SPIDR: variants seen among roughly 807,000 people sequenced by gnomAD.
The protein encoded by SPIDR is DNA repair-scaffolding protein.
Under a neutral mutation model 104.6 loss-of-function variants are expected in SPIDR, and 93 were observed. The observed-to-expected ratio is 0.89, with a 90% CI of 0.75 to 1.06. The LOEUF (loss-of-function observed/expected upper bound fraction) is 1.06, where lower values mean the gene tolerates loss of function less well. SPIDR is among the 50% of genes least tolerant of loss of function. The pLI is 0.00. For missense variants in SPIDR, 1,154 were observed against 1,111.2 expected (o/e 1.04, Z -0.55); for synonymous variants, 431 against 416.9 (o/e 1.03, Z -0.41).
intron 10 of SPIDR, chr8:47,673,278 G>C (rs1312932364): frequency 2.8e-6 from 1 of 354,024 alleles, no homozygotes; most frequent in Non-Finnish European, 5.7e-6. Flanking sequence ...GGGACACCAG[G>C]TTTTATCCTG....
At chr8:47,733,714 G>A (rs757347193) in intron 19 of SPIDR, among the ~76,000 whole-genome samples, 13 of 151,936 alleles carry the variant, frequency 8.6e-5, no homozygotes, top group Admixed American at 2.6e-4. Context: ...CTTCAGTGAC[G>A]GGCCCACATG....
At chr8:47,315,214 G>C (rs1758816601) in intron 5 of SPIDR, among the ~76,000 whole-genome samples, 1 of 152,042 alleles carries the variant, frequency 6.6e-6, no homozygotes, top group Non-Finnish European at 1.5e-5. Flanking sequence ...CAGCCACCTT[G>C]ACCTAACTGA....
intron 8 of SPIDR, among the ~76,000 whole-genome samples, chr8:47,545,073 TTC>T (rs1259053247): frequency 7.5e-5 from 1 of 13,274 alleles, no homozygotes; most frequent in Non-Finnish European, 1.8e-4. Flanking sequence ...TTTTTATCTT[TTC>T]TTTCTTTCTT....
In SPIDR at chr8:47,712,756, C is replaced by G; in HGVS notation, c.2072C>G (p.Pro691Arg). ...QTKEERDPRL[P>R]KTLLVYVAPL... The stretch of plus-strand genomic sequence containing the variant: ...AAGGAGGAGAGAGACCCCAGGCTCC[C>G]CAAAACCCTGCTGGTCTATGTGGCC... Residue 691 changes from proline to arginine, a missense_variant, in exon 15 of 20, where the codon CCC (proline) becomes CGC (arginine). Pro to Arg is a moderately radical substitution (Grantham distance 103). Coordinates refer to ENST00000297423, the MANE Select transcript of SPIDR (RefSeq NM_001080394.4). 6.2e-7 allele frequency: 1 copy of G among 1,614,142 alleles called. No individual in the cohort carries two copies.
chr8:47,398,171 G>A (rs921987027), intron 6 of SPIDR, among the ~76,000 whole-genome samples: 3 of 152,324 alleles, frequency 2.0e-5, no homozygotes, highest in African/African-American at 7.2e-5. Flanking sequence ...ATAGTCTCTG[G>A]GAAGAAAGGG....
intron 5 of SPIDR, among the ~76,000 whole-genome samples, chr8:47,329,432 T>C (rs2048289008): frequency 6.6e-6 from 1 of 152,142 alleles, no homozygotes; most frequent in Non-Finnish European, 1.5e-5. Flanking sequence ...GGTCTCTAAC[T>C]CCTAGCCTCA....
intron 10 of SPIDR, among the ~76,000 whole-genome samples, chr8:47,614,978 C>T (rs1468856513): frequency 2.0e-5 from 3 of 152,030 alleles, no homozygotes; most frequent in African/African-American, 7.2e-5. Flanking sequence ...ATATAAGACC[C>T]CTATAATATA....
intron 5 of SPIDR, among the ~76,000 whole-genome samples, chr8:47,298,135 T>G (rs2041255078): frequency 1.3e-5 from 2 of 152,232 alleles, no homozygotes; most frequent in African/African-American, 4.8e-5. Context: ...TCCTGACTTT[T>G]TAATGATTGC....
At chr8:47,521,158 C>T (rs1006472050) in intron 8 of SPIDR, among the ~76,000 whole-genome samples, 1 of 152,156 alleles carries the variant, frequency 6.6e-6, no homozygotes, top group Non-Finnish European at 1.5e-5. Context: ...GCCTCTGAAC[C>T]CTTCCTTGTT....
At chr8:47,592,417 G>A (rs2061141384) in intron 8 of SPIDR, 2 of 1,430,584 alleles carry the variant, frequency 1.4e-6, no homozygotes, top group South Asian at 1.1e-5. Flanking sequence ...GGCTGCCATT[G>A]AGTATTCTTC....
chr8:47,453,780 A>G (rs906029568), intron 8 of SPIDR, among the ~76,000 whole-genome samples: 6 of 152,106 alleles, frequency 3.9e-5, no homozygotes, highest in African/African-American at 1.4e-4. Context: ...GGTTTCTTGT[A>G]AGAAAAAAAC....
At chr8:47,552,901 G>T (rs1216875589) in intron 8 of SPIDR, among the ~76,000 whole-genome samples, 1 of 152,190 alleles carries the variant, frequency 6.6e-6, no homozygotes, top group East Asian at 1.9e-4. Flanking sequence ...GCTGGTACCA[G>T]TTGTTCCTTT....
chr8:47,441,386 T>G (rs1433805284), intron 8 of SPIDR, among the ~76,000 whole-genome samples: 10 of 152,202 alleles, frequency 6.6e-5, no homozygotes, highest in African/African-American at 2.4e-4. Flanking sequence ...TAAAATGGGC[T>G]TAGGCATTTT....
Position 47,486,868 on chromosome 8 carries a change from A to G in SPIDR, c.1097+46326A>G, listed in dbSNP as rs953965419. Among the ~76,000 whole-genome samples, 80 of 152,220 alleles carry G rather than the reference A, an allele frequency of 5.3e-4. 1 individual carries two copies. Among genetic ancestry groups the G allele is most frequent in the Admixed American group, 3.2e-3 (49 of 15,278 alleles). Reference sequence around the variant, plus strand: ...GAAGGAAGCACTAAACGCGGAAAGGAACAACTGGTAGCAGCCACTGCAAAA... The same window carrying G: ...GAAGGAAGCACTAAACGCGGAAAGGGACAACTGGTAGCAGCCACTGCAAAA... On this transcript the variant is annotated intron_variant, in intron 8 of 19. Coordinates refer to ENST00000297423, the MANE Select transcript of SPIDR (RefSeq NM_001080394.4).
intron 5 of SPIDR, among the ~76,000 whole-genome samples, chr8:47,325,336 G>T (rs1442389711): frequency 1.3e-5 from 2 of 152,044 alleles, no homozygotes; most frequent in Middle Eastern, 3.2e-3. Context: ...TAAAATTAGA[G>T]CAACATAAGG....
chr8:47,516,662 C>T (rs2083205934), intron 8 of SPIDR, among the ~76,000 whole-genome samples: 1 of 152,108 alleles, frequency 6.6e-6, no homozygotes, highest in Admixed American at 6.5e-5. Flanking sequence ...TTTTTTTTAT[C>T]CATTCATCTG....
At chr8:47,440,577 C>A in intron 8 of SPIDR, 35 bp downstream of exon 8, 1 of 1,571,966 alleles carries the variant, frequency 6.4e-7, no homozygotes, top group African/African-American at 1.4e-5. Context: ...CAGTCACCAA[C>A]TGTGAGTCAG....
chr8:47,702,039 A>C (rs1322457787), intron 14 of SPIDR, 24 bp downstream of exon 14: 2 of 1,502,542 alleles, frequency 1.3e-6, no homozygotes, highest in Admixed American at 2.0e-5. Flanking sequence ...TCAATCTCTC[A>C]ATCTCTCAGC....
intron 8 of SPIDR, among the ~76,000 whole-genome samples, chr8:47,479,709 A>G (rs902467261): frequency 6.6e-6 from 1 of 152,216 alleles, no homozygotes; most frequent in Non-Finnish European, 1.5e-5. Flanking sequence ...GGAGGGGCTC[A>G]GGGCAACTTG....
Sources: gnomAD v4.1 joint callset for allele counts (sites outside exome capture counted in the v4.1 genomes callset) on GRCh38, gnomAD v4.1.1 for gene constraint, MANE v1.5 for transcripts, NCBI Gene and HGNC (gene_info 2026-07-23, HGNC 2026-07-21) for gene names.